SIPA1L2: variants seen among roughly 807,000 people sequenced by gnomAD.
The protein encoded by SIPA1L2 is signal induced proliferation associated 1 like 2, also known as signal-induced proliferation-associated 1-like protein 2.
A neutral mutation model predicts 163.9 loss-of-function variants in SIPA1L2; 56 were observed. That is an observed-to-expected ratio of 0.34 (90% CI 0.28 to 0.43). SIPA1L2 has a LOEUF of 0.43. Among genes scored for constraint, SIPA1L2 ranks in the 20% least tolerant of loss-of-function variants. SIPA1L2 has a pLI of 1.00. For missense variants in SIPA1L2, 1,974 were observed against 2,193.5 expected (o/e 0.90, Z 2.00); for synonymous variants, 877 against 865.7 (o/e 1.01, Z -0.23).
chr1:232,448,336 C>T (rs1663337588), intron 10 of SIPA1L2, among the ~76,000 whole-genome samples: 1 of 152,172 alleles, frequency 6.6e-6, no homozygotes, highest in Non-Finnish European at 1.5e-5. Flanking sequence ...GTCAGCATCC[C>T]AAGCCAGTGC....
At chr1:232,506,007 A>C (rs1435112181) in intron 3 of SIPA1L2, among the ~76,000 whole-genome samples, 1 of 152,152 alleles carries the variant, frequency 6.6e-6, no homozygotes, top group Non-Finnish European at 1.5e-5. Flanking sequence ...TCAGCAGTGA[A>C]GTTCATTTGA....
At chr1:232,617,635 G>A (rs1313650870) in intron 1 of SIPA1L2, among the ~76,000 whole-genome samples, 1 of 151,726 alleles carries the variant, frequency 6.6e-6, no homozygotes, top group Non-Finnish European at 1.5e-5. Flanking sequence ...ACTTATCAAT[G>A]GCCCTAAAAA....
At chr1:232,400,955 G>A (rs1235088282) in intron 22 of SIPA1L2, among the ~76,000 whole-genome samples, 2 of 152,058 alleles carry the variant, frequency 1.3e-5, no homozygotes, top group African/African-American at 4.8e-5. Flanking sequence ...AGTAATGATA[G>A]ACTCCATCAA....
At chr1:232,480,558 T>G (rs1420303124) in intron 6 of SIPA1L2, among the ~76,000 whole-genome samples, 1 of 152,206 alleles carries the variant, frequency 6.6e-6, no homozygotes, top group Non-Finnish European at 1.5e-5. Context: ...TTTCACACAT[T>G]GAAACTAACC....
chr1:232,467,802 G>A (rs1393462799), intron 8 of SIPA1L2, among the ~76,000 whole-genome samples: 2 of 152,128 alleles, frequency 1.3e-5, no homozygotes, highest in African/African-American at 2.4e-5. Context: ...TCTGAGTGCA[G>A]CTTGCATGCA....
intron 19 of SIPA1L2, among the ~76,000 whole-genome samples, chr1:232,414,438 TGG>T (rs942515447): frequency 1.2e-4 from 18 of 152,280 alleles, no homozygotes; most frequent in Admixed American, 6.5e-4. Flanking sequence ...CCTCCCCTCC[TGG>T]GAAAAGAATT....
At chr1:232,493,491 C>G (rs1478736654) in intron 4 of SIPA1L2, 36 bp downstream of exon 4, 1 of 1,613,194 alleles carries the variant, frequency 6.2e-7, no homozygotes, top group Non-Finnish European at 8.5e-7. Context: ...GAGGTTTAGA[C>G]TTTAGCCCAA....
At chr1:232,400,181 C>T (rs1319060688) in intron 22 of SIPA1L2, among the ~76,000 whole-genome samples, 1 of 152,068 alleles carries the variant, frequency 6.6e-6, no homozygotes, top group Non-Finnish European at 1.5e-5. Context: ...CAACTGCAGC[C>T]CACCCTGGAT....
At chr1:232,621,453 G>A (rs1573188157) in intron 1 of SIPA1L2, among the ~76,000 whole-genome samples, 2 of 151,968 alleles carry the variant, frequency 1.3e-5, no homozygotes, top group South Asian at 2.1e-4. Flanking sequence ...GTGAGCTGTA[G>A]AATAAAGAAC....
intron 3 of SIPA1L2, among the ~76,000 whole-genome samples, chr1:232,501,050 A>ATTTTTTTTTTTTTTTTTTTT: frequency 1.3e-5 from 1 of 78,442 alleles, no homozygotes; most frequent in Non-Finnish European, 2.3e-5. Context: ...GCAATGAAGT[A>ATTTTTTTTTTTTTTTTTTTT]TTTTTTTTTT....
chr1:232,501,050 A>ATTTTTTTTTTGT, intron 3 of SIPA1L2, among the ~76,000 whole-genome samples: 1 of 78,450 alleles, frequency 1.3e-5, no homozygotes, highest in Non-Finnish European at 2.3e-5. Flanking sequence ...GCAATGAAGT[A>ATTTTTTTTTTGT]TTTTTTTTTT....
At chr1:232,496,555 G>C (rs1666201096) in intron 3 of SIPA1L2, among the ~76,000 whole-genome samples, 1 of 132,896 alleles carries the variant, frequency 7.5e-6, no homozygotes, top group Non-Finnish European at 1.6e-5. Context: ...TGATCCAGAA[G>C]CAGGCAAAAA....
At chr1:232,426,856 T>C (rs1661935790) in intron 17 of SIPA1L2, among the ~76,000 whole-genome samples, 1 of 152,240 alleles carries the variant, frequency 6.6e-6, no homozygotes, top group African/African-American at 2.4e-5. Flanking sequence ...AATTTTCAAC[T>C]ACTTCCTTTG....
At chr1:232,558,138 G>A (rs1240131919) in intron 2 of SIPA1L2, among the ~76,000 whole-genome samples, 2 of 152,038 alleles carry the variant, frequency 1.3e-5, no homozygotes, top group East Asian at 3.9e-4. Context: ...TTGAAATGAG[G>A]AGAAAAGATA....
chr1:232,563,608 T>A (rs1659169938), intron 2 of SIPA1L2, among the ~76,000 whole-genome samples: 1 of 152,238 alleles, frequency 6.6e-6, no homozygotes, highest in South Asian at 2.1e-4. Flanking sequence ...TTTTAAGAAT[T>A]ACCTGGGGAA....
intron 2 of SIPA1L2, among the ~76,000 whole-genome samples, chr1:232,557,247 G>C (rs945070316): frequency 6.6e-6 from 1 of 152,046 alleles, no homozygotes; most frequent in Non-Finnish European, 1.5e-5. Context: ...CCAGGGGTTG[G>C]GCTCCATTTC....
chr1:232,410,384 C>T (rs967976633), intron 19 of SIPA1L2, among the ~76,000 whole-genome samples: 11 of 152,002 alleles, frequency 7.2e-5, no homozygotes, highest in Non-Finnish European at 1.6e-4. Context: ...TAAACTCTTG[C>T]CAATAACAAT....
At chr1:232,469,114 C>A (rs1459586927) in intron 8 of SIPA1L2, among the ~76,000 whole-genome samples, 2 of 152,212 alleles carry the variant, frequency 1.3e-5, no homozygotes, top group Non-Finnish European at 2.9e-5. Flanking sequence ...AAGGTGATCT[C>A]AACCGCACAG....
At chr1:232,466,669 T>C (rs12117217) in intron 8 of SIPA1L2, among the ~76,000 whole-genome samples, 25,507 of 152,072 alleles carry the variant, frequency 0.17, 2,381 homozygotes, top group Non-Finnish European at 0.21. Flanking sequence ...CGGGCGCCTG[T>C]AGTCCCAGCT....
Sources: gnomAD v4.1 joint callset for allele counts (sites outside exome capture counted in the v4.1 genomes callset) on GRCh38, gnomAD v4.1.1 for gene constraint, MANE v1.5 for transcripts, NCBI Gene and HGNC (gene_info 2026-07-23, HGNC 2026-07-21) for gene names.